PDIA5: variants seen among roughly 807,000 people sequenced by gnomAD.
PDIA5 encodes protein disulfide-isomerase A5.
PDIA5 carries 58 observed loss-of-function variants against 77.6 expected under a neutral mutation model. The observed-to-expected ratio is 0.75, with a 90% CI of 0.61 to 0.93. The LOEUF (loss-of-function observed/expected upper bound fraction) is 0.93, where lower values mean the gene tolerates loss of function less well. Ranked by LOEUF, PDIA5 falls within the 40% of genes least tolerant of loss-of-function variation. The pLI, the probability that PDIA5 is intolerant of heterozygous loss-of-function variation, is 0.00. For missense variants in PDIA5, 630 were observed against 647.7 expected (o/e 0.97, Z 0.30); for synonymous variants, 250 against 252.1 (o/e 0.99, Z 0.08).
chr3:123,140,145 C>T (rs948359628), intron 11 of PDIA5, among the ~76,000 whole-genome samples: 1 of 151,632 alleles, frequency 6.6e-6, no homozygotes, highest in Non-Finnish European at 1.5e-5. Flanking sequence ...TATGTATGCT[C>T]CAGGTGGGTA....
At chr3:123,108,573 C>A (rs1934791777) in intron 6 of PDIA5, among the ~76,000 whole-genome samples, 1 of 140,296 alleles carries the variant, frequency 7.1e-6, no homozygotes, top group Non-Finnish European at 1.5e-5. Context: ...AGCCACTGTG[C>A]CCGGCCTTAA....
chr3:123,110,885 G>A (rs1934843875), intron 6 of PDIA5, 59 bp from the exon 7 acceptor site: 10 of 1,345,562 alleles, frequency 7.4e-6, no homozygotes, highest in African/African-American at 1.4e-5. Context: ...GCGGGGAGGG[G>A]GTCTCATCCT....
At chr3:123,137,407 G>T (rs559034644) in intron 11 of PDIA5, among the ~76,000 whole-genome samples, 1 of 152,170 alleles carries the variant, frequency 6.6e-6, no homozygotes, top group Admixed American at 6.5e-5. Context: ...TACAATTATA[G>T]ATATTAATCT....
At chr3:123,131,410 G>T (rs980567797) in intron 11 of PDIA5, among the ~76,000 whole-genome samples, 2 of 151,024 alleles carry the variant, frequency 1.3e-5, no homozygotes, top group African/African-American at 4.9e-5. Flanking sequence ...GCAGAGCGAG[G>T]CTCCATCTCA....
At chr3:123,095,173 G>T (rs558038707) in intron 3 of PDIA5, among the ~76,000 whole-genome samples, 1 of 152,326 alleles carries the variant, frequency 6.6e-6, no homozygotes, top group East Asian at 1.9e-4. Context: ...AGCGATATGC[G>T]TTCTGCCTTC....
At chr3:123,077,310 A>G (rs1478987658) in intron 1 of PDIA5, among the ~76,000 whole-genome samples, 1 of 152,218 alleles carries the variant, frequency 6.6e-6, no homozygotes, top group Non-Finnish European at 1.5e-5. Flanking sequence ...GTTAGATAAC[A>G]TGTGAACTGC....
At chr3:123,113,906 T>C (rs1267138845) in intron 7 of PDIA5, among the ~76,000 whole-genome samples, 2 of 152,216 alleles carry the variant, frequency 1.3e-5, no homozygotes, top group Admixed American at 1.3e-4. Context: ...TTGAGAATGA[T>C]AATTAGTCTT....
At chr3:123,157,207 G>T (rs1936040840) in intron 15 of PDIA5, among the ~76,000 whole-genome samples, 1 of 152,200 alleles carries the variant, frequency 6.6e-6, no homozygotes, top group African/African-American at 2.4e-5. Flanking sequence ...TGGCCTGCCT[G>T]GGTTTCCTGG....
At chr3:123,143,410 G>A (rs1020428424) in intron 11 of PDIA5, among the ~76,000 whole-genome samples, 1 of 150,940 alleles carries the variant, frequency 6.6e-6, no homozygotes, top group African/African-American at 2.4e-5. Flanking sequence ...AAAAAGAGAG[G>A]CACTGTCTGG....
At chr3:123,082,695 A>G (rs1934040172) in intron 1 of PDIA5, among the ~76,000 whole-genome samples, 1 of 152,038 alleles carries the variant, frequency 6.6e-6, no homozygotes, top group African/African-American at 2.4e-5. Context: ...TCTCGCTAAT[A>G]AAGAGAAGTG....
chr3:123,067,862 A>T (rs1933616670), intron 1 of PDIA5, among the ~76,000 whole-genome samples: 1 of 152,150 alleles, frequency 6.6e-6, no homozygotes, highest in Non-Finnish European at 1.5e-5. Flanking sequence ...CTCATGCATG[A>T]TATAGAAAGG....
chr3:123,112,679 T>C (rs1934894359), intron 7 of PDIA5, among the ~76,000 whole-genome samples: 1 of 151,728 alleles, frequency 6.6e-6, no homozygotes, highest in African/African-American at 2.4e-5. Flanking sequence ...TGCCTCAGCT[T>C]CCCGAGTAGC....
At position 123,110,943 on chromosome 3, in the gene PDIA5, G is replaced by A; in HGVS notation, c.481-1G>A. On this transcript the variant is annotated splice_acceptor_variant, in intron 6 of 16. Transcript: ENST00000316218. LOFTEE classifies it high-confidence loss of function. The stretch of plus-strand genomic sequence containing the variant: ...GCTGGTATTCTCTTTTTGTGCCTCA[G>A]GACTTCAGACGGCTCCTGAAGAAGG... The A allele has an allele frequency of 6.2e-7, 1 of 1,613,460 alleles. No homozygotes were observed. Among genetic ancestry groups the A allele is most frequent in the Non-Finnish European group, 8.5e-7 (1 of 1,179,452 alleles).
intron 10 of PDIA5, among the ~76,000 whole-genome samples, chr3:123,129,157 G>A (rs956379946): frequency 3.3e-5 from 5 of 152,224 alleles, no homozygotes; most frequent in Admixed American, 3.3e-4. Context: ...AATTGGTGGT[G>A]TTTTGAGGGG....
At chr3:123,146,685 G>C (rs542132206) in intron 13 of PDIA5, among the ~76,000 whole-genome samples, 1 of 152,334 alleles carries the variant, frequency 6.6e-6, no homozygotes, top group South Asian at 2.1e-4. Flanking sequence ...GTTTGCAACT[G>C]AGGATAAAGA....
intron 7 of PDIA5, among the ~76,000 whole-genome samples, chr3:123,115,883 C>T (rs1934983567): frequency 6.6e-6 from 1 of 152,258 alleles, no homozygotes; most frequent in Non-Finnish European, 1.5e-5. Flanking sequence ...CAGTTGCTCT[C>T]TTGACACCTG....
chr3:123,112,905 C>T (rs947040341), intron 7 of PDIA5, among the ~76,000 whole-genome samples: 62 of 152,160 alleles, frequency 4.1e-4, no homozygotes, highest in African/African-American at 1.5e-3. Context: ...GCCCCAGCCT[C>T]CTCCCCAGGC....
intron 1 of PDIA5, among the ~76,000 whole-genome samples, chr3:123,073,980 T>G (rs1933788686): frequency 6.6e-6 from 1 of 152,212 alleles, no homozygotes; most frequent in Non-Finnish European, 1.5e-5. Flanking sequence ...CTCTGTTGTT[T>G]GGGCCAAGTA....
intron 15 of PDIA5, among the ~76,000 whole-genome samples, chr3:123,159,414 G>T (rs1325574641): frequency 1.3e-5 from 2 of 152,198 alleles, no homozygotes; most frequent in Non-Finnish European, 2.9e-5. Context: ...CCAGTCTGCT[G>T]GCCTGGGTGA....
Sources: gnomAD v4.1 joint callset for allele counts (sites outside exome capture counted in the v4.1 genomes callset) on GRCh38, gnomAD v4.1.1 for gene constraint, MANE v1.5 for transcripts, NCBI Gene and HGNC (gene_info 2026-07-23, HGNC 2026-07-21) for gene names.